Variants in KDM1A observed in about 807,000 individuals in gnomAD.
KDM1A encodes lysine demethylase 1A.
In KDM1A, 49 loss-of-function variants were observed where a neutral mutation model predicts 109.4. The ratio of observed to expected loss-of-function variants is 0.45; its 90% confidence interval spans 0.36 to 0.57. KDM1A has a LOEUF of 0.57. Among genes scored for constraint, KDM1A ranks in the 20% least tolerant of loss-of-function variants. The pLI is 0.00. For missense variants in KDM1A, 668 were observed against 1,116.6 expected (o/e 0.60, Z 5.73); for synonymous variants, 380 against 415.4 (o/e 0.91, Z 1.04).
chr1:23,061,653 A>T (rs1242693680), intron 9 of KDM1A, among the ~76,000 whole-genome samples: 4 of 103,382 alleles, frequency 3.9e-5, no homozygotes, highest in African/African-American at 7.7e-5. Context: ...TTGACTAATA[A>T]ACTAGCCTTT....
chr1:23,082,533 T>A, intron 20 of KDM1A, 167 bp downstream of exon 20: 1 of 660,914 alleles, frequency 1.5e-6, no homozygotes, highest in East Asian at 2.8e-5. Context: ...TTTCTCATAA[T>A]TTGGTTTTGT....
At chr1:23,027,202 T>A (rs1324530943) in intron 1 of KDM1A, among the ~76,000 whole-genome samples, 1 of 152,134 alleles carries the variant, frequency 6.6e-6, no homozygotes, top group Admixed American at 6.5e-5. Context: ...GTTGTCAGTC[T>A]ATGAGAAAAT....
chr1:23,082,324 T>G lies in KDM1A; in HGVS notation c.2403T>G (p.Ala801=), dbSNP rs532521841. Residue 801 remains alanine, a synonymous_variant, in exon 20 of 21, where the codon GCT becomes GCG. Transcript: ENST00000400181. ...CTGGAAATGACTATGATTTAATGGC[T>G]CAGCCAATCACTCCTGGCCCCTCGA... ...GSSGNDYDLM[A]QPITPGPSIP... is the part of the protein sequence containing the mutation. The G allele has an allele frequency of 4.8e-5, 77 of 1,614,044 alleles. 1 individual carries two copies. The South Asian group carries it at 7.8e-4, about 16-fold the overall frequency.
chr1:23,029,129 A>T (rs574214154), intron 1 of KDM1A, among the ~76,000 whole-genome samples: 13 of 152,114 alleles, frequency 8.5e-5, no homozygotes, highest in African/African-American at 3.1e-4. Context: ...CCTATCATTT[A>T]AAAAAAAGAG....
chr1:23,037,702 A>G (rs1336929929), intron 2 of KDM1A, among the ~76,000 whole-genome samples: 1 of 152,246 alleles, frequency 6.6e-6, no homozygotes, highest in Non-Finnish European at 1.5e-5. Context: ...TGTGTTAAAC[A>G]TGAAAGGATG....
intron 2 of KDM1A, among the ~76,000 whole-genome samples, chr1:23,034,482 T>A (rs1471027740): frequency 6.6e-6 from 1 of 152,200 alleles, no homozygotes; most frequent in African/African-American, 2.4e-5. Flanking sequence ...CCCTTCTGTT[T>A]ATTGGAGAAA....
chr1:23,070,496 A>G (rs1303460906), intron 12 of KDM1A, among the ~76,000 whole-genome samples: 1 of 151,190 alleles, frequency 6.6e-6, no homozygotes, highest in Non-Finnish European at 1.5e-5. Context: ...AAATTCTTTG[A>G]CCTTTTACAT....
intron 15 of KDM1A, among the ~76,000 whole-genome samples, chr1:23,075,558 A>C (rs921380733): frequency 3.1e-5 from 4 of 127,886 alleles, no homozygotes; most frequent in Non-Finnish European, 6.8e-5. Flanking sequence ...GCAACAGAGC[A>C]AGACTCCATC....
Position 23,079,015 on chromosome 1 carries a change from C to T in KDM1A, c.1893C>T (p.Thr631=), listed in dbSNP as rs376667289. 5.0e-6 allele frequency: 8 copies of T among 1,613,890 alleles called. No individual in the cohort carries two copies. Among genetic ancestry groups the T allele is most frequent in the Non-Finnish European group, 5.9e-6 (7 of 1,179,922 alleles). Residue 631 remains threonine, a synonymous_variant, in exon 17 of 21, where the codon ACC becomes ACT. Coordinates refer to ENST00000400181, the MANE Select transcript of KDM1A (RefSeq NM_001009999.3). The surrounding 1 kb of genome is among the most constrained non-coding windows in gnomAD (Gnocchi z 5.6). ...GATGTGAAGTGATAGCTGTGAATAC[C>T]CGCTCCACGAGTCAAACCTTTATTT... The part of the protein sequence containing the change: ...ASGCEVIAVN[T]RSTSQTFIYK...
intron 2 of KDM1A, among the ~76,000 whole-genome samples, chr1:23,033,816 T>C (rs1341133107): frequency 6.6e-6 from 1 of 152,080 alleles, no homozygotes; most frequent in African/African-American, 2.4e-5. Context: ...GCATTAGGAG[T>C]GTCAGCGGTA....
chr1:23,076,205 G>T (rs1479133267), intron 15 of KDM1A, among the ~76,000 whole-genome samples: 2 of 152,016 alleles, frequency 1.3e-5, no homozygotes, highest in Non-Finnish European at 2.9e-5. Flanking sequence ...CCAGTATTTT[G>T]ATCTAATTTC....
intron 15 of KDM1A, among the ~76,000 whole-genome samples, chr1:23,073,733 A>G (rs991059524): frequency 6.6e-6 from 1 of 152,242 alleles, no homozygotes; most frequent in Non-Finnish European, 1.5e-5. Flanking sequence ...AGTTTCATAT[A>G]AAGTGAATCA....
intron 2 of KDM1A, among the ~76,000 whole-genome samples, chr1:23,041,435 C>CTTTTT (rs66720696): frequency 4.1e-4 from 22 of 53,034 alleles, no homozygotes; most frequent in African/African-American, 7.8e-4. Flanking sequence ...TCTTTTCTTG[C>CTTTTT]TTTTTTTTTT....
In KDM1A at chr1:23,019,632, G is replaced by GGCGGCTGCAGCGGCA. The variant is rs1641546171; in HGVS notation, c.39_53dup (p.Ala14_Ala18dup). 1 of 1,417,484 alleles carries GGCGGCTGCAGCGGCA rather than the reference G, an allele frequency of 7.1e-7. No individual in the cohort carries two copies. Among genetic ancestry groups the GGCGGCTGCAGCGGCA allele is most frequent in the African/African-American group, 1.5e-5 (1 of 66,934 alleles). 87.8% of individuals were successfully genotyped at this position (1,417,484 alleles called of 1,614,324 possible). ...GGAAGAAGGCGGCAGCCGCGGCGGC[G>GGCGGCTGCAGCGGCA]GCGGCTGCAGCGGCAGCAACCGGGA... is the stretch of plus-strand genomic sequence containing the variant. On this transcript the variant is annotated inframe_insertion, in exon 1 of 21. Transcript: ENST00000400181.
chr1:23,027,444 CG>C (rs1641841142), intron 1 of KDM1A, among the ~76,000 whole-genome samples: 1 of 126,832 alleles, frequency 7.9e-6, no homozygotes, highest in Admixed American at 9.0e-5. Context: ...GACAGGGTCT[CG>C]ACTCTGTCAC....
At chr1:23,072,895 C>G (rs1255958647) in intron 14 of KDM1A, among the ~76,000 whole-genome samples, 1 of 152,222 alleles carries the variant, frequency 6.6e-6, no homozygotes, top group Non-Finnish European at 1.5e-5. Flanking sequence ...CTGCCTCGAC[C>G]TCCCAAAGTG....
chr1:23,066,735 A>G (rs1428472657), intron 10 of KDM1A, among the ~76,000 whole-genome samples: 1 of 152,218 alleles, frequency 6.6e-6, no homozygotes, highest in African/African-American at 2.4e-5. Context: ...TTAAGGTCTC[A>G]TAACTACCTA....
intron 2 of KDM1A, among the ~76,000 whole-genome samples, chr1:23,041,905 A>G (rs1489918218): frequency 6.6e-6 from 1 of 152,172 alleles, no homozygotes; most frequent in Non-Finnish European, 1.5e-5. Flanking sequence ...GACAAAAAAG[A>G]CTGCCTCGTT....
At chr1:23,053,886 T>C (rs761058941) in intron 5 of KDM1A, 47 bp downstream of exon 5, 2 of 1,015,714 alleles carry the variant, frequency 2.0e-6, no homozygotes, top group Admixed American at 1.7e-5. Flanking sequence ...ATTGTGAAAA[T>C]TGATACGTTC....
Sources: allele counts gnomAD v4.1 joint callset (sites outside exome capture counted in the v4.1 genomes callset), GRCh38; gene constraint gnomAD v4.1.1; non-coding constraint Gnocchi (gnomAD v3.1); transcripts MANE v1.5; gene names NCBI Gene and HGNC (gene_info 2026-07-23, HGNC 2026-07-21).